FLNA: variants seen among roughly 807,000 people sequenced by gnomAD.
FLNA encodes the protein filamin A.
In FLNA, 7 loss-of-function variants were observed where a neutral mutation model predicts 157.6. The observed-to-expected ratio is 0.04, with a 90% CI of 0.03 to 0.08. The LOEUF is 0.08. Ranked by LOEUF, FLNA falls within the 10% of genes least tolerant of loss-of-function variation. FLNA has a pLI of 1.00. For missense variants in FLNA, 1,750 were observed against 2,398.4 expected, an observed-to-expected ratio of 0.73 and a Z score of 5.65; for synonymous variants, 1,103 against 1,060.8, an observed-to-expected ratio of 1.04 and a Z score of -0.77.
chrX:154,368,208 C>A (rs1395182668), intron 2 of FLNA, 118 bp from the exon 3 acceptor site: 14 of 1,008,238 alleles, frequency 1.4e-5, no homozygotes, highest in African/African-American at 1.9e-5. Flanking sequence ...AGGTAGACAC[C>A]CCCTCTTGGC....
Position 154,371,354 on chromosome X carries a change from A to T in FLNA, c.-109T>A, listed in dbSNP as rs1603364075. The T allele has an allele frequency of 1.1e-6, 1 of 926,499 alleles. No homozygotes were observed. Among genetic ancestry groups the T allele is most frequent in the Non-Finnish European group, 1.4e-6 (1 of 693,997 alleles). 76.4% of individuals were successfully genotyped at this position (926,499 alleles called of 1,213,427 possible). ...GCGCGGGAGGCGAGGCAGGGAGCAG[A>T]GGTTGCGCTGCGGAGAGAGCGAGCC... On this transcript the variant is annotated 5_prime_UTR_variant, in exon 2 of 48. Transcript: ENST00000369850.
rs2067647634 is a variant in FLNA, at chrX:154,354,597, C to A, written c.5313+19G>T. On this transcript the variant is annotated intron_variant, in intron 32 of 47. Transcript: ENST00000369850. ...ACCCAGCTGGCTAGCCCCAGTGTCC[C>A]TAGCTGGCCAGGCCGTACCCAAGTC... 8.4e-7 allele frequency: 1 copy of A among 1,190,681 alleles called. No individual in the cohort carries two copies. The highest frequency in any genetic ancestry group is 1.1e-6 in the Non-Finnish European group (1 of 883,997).
chrX:154,358,150 T>TCCAGC, intron 28 of FLNA, 49 bp downstream of exon 28: 1 of 1,192,811 alleles, frequency 8.4e-7, no homozygotes, highest in Non-Finnish European at 1.1e-6. Context: ...CAGCCCACAC[T>TCCAGC]CCAGCCGCCC....
chrX:154,352,892 G>A lies in FLNA; in HGVS notation c.6259C>T (p.Pro2087Ser). The stretch of plus-strand genomic sequence containing the variant: ...TCTGTGTTGATGTCCACCTTGCTGG[G>A]GCCCTCAATGGACAGGCTGAGCCCA... The part of the protein sequence containing the change: ...YGGLSLSIEG[P>S]SKVDINTEDL... The change falls in exon 39 of 48, where the codon CCC becomes TCC. Residue 2087 changes from proline to serine, a missense_variant. Pro to Ser is a moderately conservative substitution (Grantham distance 74). This residue lies in a region of FLNA where 970 missense variants were observed against 1,302.6 expected (regional missense o/e 0.74). Coordinates refer to ENST00000369850, the MANE Select transcript of FLNA (RefSeq NM_001110556.2). 8.3e-7 allele frequency: 1 copy of A among 1,211,803 alleles called. No individual in the cohort carries two copies. The highest frequency in any genetic ancestry group is 1.1e-6 in the Non-Finnish European group (1 of 895,458).
intron 2 of FLNA, 68 bp from the exon 3 acceptor site, chrX:154,368,158 G>A (rs2067777465): frequency 3.3e-6 from 4 of 1,202,156 alleles, no homozygotes; most frequent in Non-Finnish European, 4.5e-6. Context: ...AGGCTTTGGG[G>A]TCAGGGTCTG....
intron 24 of FLNA, 31 bp from the exon 25 acceptor site, chrX:154,359,437 G>A: frequency 8.3e-7 from 1 of 1,211,630 alleles, no homozygotes; most frequent in Non-Finnish European, 1.1e-6. Flanking sequence ...GTCATTCCTG[G>A]GGTTCCCAGG....
At chrX:154,363,083 T>C (rs2067725988) in intron 15 of FLNA, among the ~76,000 whole-genome samples, 1 of 112,373 alleles carries the variant, frequency 8.9e-6, no homozygotes, top group African/African-American at 3.2e-5. Context: ...AAAAATGGAA[T>C]GTGGTCTGGC....
rs781846227 is a variant in FLNA at position 154,362,491 on chromosome X, T to C, written c.2492A>G (p.Asn831Ser). 6 of 1,210,313 alleles carry C rather than the reference T, an allele frequency of 5.0e-6. No individual in the cohort carries two copies. The highest frequency in any genetic ancestry group is 4.4e-5 in the Admixed American group (2 of 45,966). The change falls in exon 17 of 48, where the codon AAT (asparagine) becomes AGT (serine). Residue 831 changes from asparagine (N) to serine (S), a missense_variant. Physicochemically the swap from Asn to Ser is conservative, Grantham distance 46 (BLOSUM62 1). Coordinates refer to ENST00000369850, the MANE Select transcript of FLNA (RefSeq NM_001110556.2). ...CGTGTACTTGACCGTGAAGGTGTCA[T>C]TGTCATTGCGGATGATGTCGAAGTC... ...DIDFDIIRND[N>S]DTFTVKYTPR...
chrX:154,359,610 G>A lies in FLNA; in HGVS notation c.4016C>T (p.Pro1339Leu), dbSNP rs1557177547. ...CACCTGGAAGGGGCTGCTGGGCACGGGACTGCCGTCATAGGTCACGTCCAC... is the reference window on the plus strand; with the variant it reads ...CACCTGGAAGGGGCTGCTGGGCACGAGACTGCCGTCATAGGTCACGTCCAC... ...HSVDVTYDGS[P>L]VPSSPFQVPV... The change falls in exon 24 of 48, where the codon CCC becomes CTC. Residue 1339 changes from proline to leucine, a missense_variant. Pro to Leu is a moderately conservative substitution (Grantham distance 98). Transcript: ENST00000369850. 1 of 1,211,066 alleles carries A rather than the reference G, an allele frequency of 8.3e-7. No individual in the cohort carries two copies. The highest frequency in any genetic ancestry group is 1.1e-6 in the Non-Finnish European group (1 of 895,409).
chrX:154,353,187 T>C lies in FLNA; in HGVS notation c.6040A>G (p.Lys2014Glu). The C allele has an allele frequency of 8.3e-7, 1 of 1,211,368 alleles. No homozygotes were observed. The highest frequency in any genetic ancestry group is 1.8e-5 in the South Asian group (1 of 56,994). The part of the protein sequence containing the change: ...NGHVGISFVP[K>E]ETGEHLVHVK... Reference sequence around the variant, plus strand: ...TGCACCAGGTGCTCCCCCGTCTCCTTGGGCACGAATGAAATCCCTGGACAC... The same window carrying C: ...TGCACCAGGTGCTCCCCCGTCTCCTCGGGCACGAATGAAATCCCTGGACAC... Residue 2014 changes from lysine (K) to glutamate (E), a missense_variant, in exon 38 of 48, where the codon AAG (lysine) becomes GAG (glutamate). Transcript: ENST00000369850.
rs1327921440 is a variant in FLNA at position 154,362,544 on chromosome X, T to C, written c.2439A>G (p.Gly813=). 1.7e-6 allele frequency: 2 copies of C among 1,211,160 alleles called. No individual in the cohort carries two copies. The highest frequency in any genetic ancestry group is 1.1e-6 in the Non-Finnish European group (1 of 895,413). Residue 813 remains glycine, a synonymous_variant, in exon 17 of 48, where the codon GGA becomes GGG. Coordinates refer to ENST00000369850, the MANE Select transcript of FLNA (RefSeq NM_001110556.2). The part of the protein sequence containing the change: ...DVSIGIKCAP[G]VVGPAEADID... ...TGTCAGCTTCGGCGGGGCCTACCACTCCAGGGGCACACTTGATGCCGATGC... is the reference window on the plus strand; with the variant it reads ...TGTCAGCTTCGGCGGGGCCTACCACCCCAGGGGCACACTTGATGCCGATGC...
Position 154,366,488 on chromosome X carries a change from G to C in FLNA, c.1066-18C>G, listed in dbSNP as rs2067762080. 1 of 1,209,887 alleles carries C rather than the reference G, an allele frequency of 8.3e-7. No homozygotes were observed. Among genetic ancestry groups the C allele is most frequent in the Admixed American group, 2.2e-5 (1 of 45,985 alleles). On this transcript the variant is annotated intron_variant, in intron 7 of 47. Coordinates refer to ENST00000369850, the MANE Select transcript of FLNA (RefSeq NM_001110556.2). ...ACAGTAACCTGTCCCCAGAAGGGTGGGCCGTGAGGGTAGGGCTGGGGGCCT... is the reference window on the plus strand; with the variant it reads ...ACAGTAACCTGTCCCCAGAAGGGTGCGCCGTGAGGGTAGGGCTGGGGGCCT...
At chrX:154,350,376 G>A (rs2067609966) in intron 44 of FLNA, 169 bp from the exon 45 acceptor site, 4 of 466,857 alleles carry the variant, frequency 8.6e-6, no homozygotes, top group South Asian at 3.1e-5. Flanking sequence ...GAGGGCCGAA[G>A]GTTTAGACAC....
In FLNA at chrX:154,348,722, G is replaced by C. The variant is rs2067592876; in HGVS notation, c.*127C>G. 1.7e-6 allele frequency: 1 copy of C among 605,946 alleles called. No homozygotes were observed. Among genetic ancestry groups the C allele is most frequent in the African/African-American group, 2.3e-5 (1 of 43,532 alleles). 49.9% of individuals were successfully genotyped at this position (605,946 alleles called of 1,213,427 possible). On this transcript the variant is annotated 3_prime_UTR_variant, in exon 48 of 48. Transcript: ENST00000369850. ...AGGCAGGTGAGCGCAGCACGGCACA[G>C]GGCAGGGGCGGCTGCAGTGACAGGC...
intron 30 of FLNA, among the ~76,000 whole-genome samples, chrX:154,356,294 C>T (rs1247901548): frequency 8.9e-6 from 1 of 111,774 alleles, no homozygotes; most frequent in African/African-American, 3.3e-5. Flanking sequence ...ACTTCAGCGC[C>T]CCCTTCCCCA....
intron 23 of FLNA, 24 bp from the exon 24 acceptor site, chrX:154,359,670 G>A (rs2067689497): frequency 8.3e-7 from 1 of 1,210,784 alleles, no homozygotes; most frequent in Non-Finnish European, 1.1e-6. Context: ...GGCCAGGTCA[G>A]GAGGAGCCCG....
intron 2 of FLNA, among the ~76,000 whole-genome samples, chrX:154,369,105 C>T (rs929079022): frequency 2.7e-5 from 3 of 112,508 alleles, no homozygotes; most frequent in Non-Finnish European, 3.8e-5. Flanking sequence ...AACTAGGGGG[C>T]GGGCCTATGA....
In FLNA at chrX:154,367,645, G is replaced by T; in HGVS notation, c.716C>A (p.Pro239His). 8.3e-7 allele frequency: 1 copy of T among 1,211,092 alleles called. No individual in the cohort carries two copies. Among genetic ancestry groups the T allele is most frequent in the Non-Finnish European group, 1.1e-6 (1 of 895,075 alleles). ...MQQADDWLGI[P>H]QVITPEEIVD... ...AGCCAGGCCGGGCGGGTGTACCTGGGGGATGCCCAGCCAGTCATCCGCCTG... is the reference window on the plus strand; with the variant it reads ...AGCCAGGCCGGGCGGGTGTACCTGGTGGATGCCCAGCCAGTCATCCGCCTG... The change falls in exon 4 of 48, where the codon CCC becomes CAC. Residue 239 changes from proline (P) to histidine (H), a missense_variant. This residue lies in a region of FLNA where 71 missense variants were observed against 239.5 expected (regional missense o/e 0.30). Coordinates refer to ENST00000369850, the MANE Select transcript of FLNA (RefSeq NM_001110556.2).
intron 1 of FLNA, among the ~76,000 whole-genome samples, chrX:154,372,057 G>A (rs1557180464): frequency 8.8e-6 from 1 of 113,650 alleles, no homozygotes; most frequent in African/African-American, 3.2e-5. Flanking sequence ...ACCTGTGCCC[G>A]CTGCTTCCCA....
Sources: gnomAD v4.1 joint callset for allele counts (sites outside exome capture counted in the v4.1 genomes callset) on GRCh38, gnomAD v4.1.1 for gene constraint, gnomAD v4.1.1 regional missense constraint, MANE v1.5 for transcripts, NCBI Gene and HGNC (gene_info 2026-07-23, HGNC 2026-07-21) for gene names.